The following KIF13A variants were observed in gnomAD, a reference collection of about 807,000 sequenced individuals.
KIF13A encodes the protein kinesin-like protein KIF13A.
In KIF13A, 79 loss-of-function variants were observed where a neutral mutation model predicts 212.2. That is an observed-to-expected ratio of 0.37 (90% confidence interval 0.31 to 0.45). The LOEUF (loss-of-function observed/expected upper bound fraction) is 0.45, where lower values mean the gene tolerates loss of function less well. KIF13A is among the 20% of genes least tolerant of loss of function. The probability of loss-of-function intolerance (pLI) is 1.00; values close to 1 mark genes in which losing one functional copy is unlikely to be tolerated. For missense variants in KIF13A, 1,901 were observed against 2,209.0 expected (o/e 0.86, Z 2.79); for synonymous variants, 789 against 808.6 (o/e 0.98, Z 0.41).
At chr6:17,923,746 C>G (rs1182163424) in intron 2 of KIF13A, among the ~76,000 whole-genome samples, 2 of 152,182 alleles carry the variant, frequency 1.3e-5, no homozygotes, top group Non-Finnish European at 2.9e-5. Context: ...AGCTTTTTAG[C>G]CCTTTCTCAA....
rs1176093271 is a variant in KIF13A at position 17,914,501 on chromosome 6, T to C, written c.147-16321A>G. 6.6e-6 allele frequency among the ~76,000 whole-genome samples: 1 copy of C among 152,210 alleles called. No individual in the cohort carries two copies. Among genetic ancestry groups the C allele is most frequent in the Non-Finnish European group, 1.5e-5 (1 of 68,028 alleles). ...TATATGGGCATTTGCAAAATTAAAA[T>C]CATACACATGCAAATGGGAAGTTTT... On this transcript the variant is annotated intron_variant, in intron 2 of 38. Coordinates refer to ENST00000259711, the MANE Select transcript of KIF13A (RefSeq NM_022113.6). This position sits in a 1 kb window ranked among gnomAD's most constrained non-coding sequence, Gnocchi z 5.9.
At position 17,817,120 on chromosome 6, in the gene KIF13A, G is replaced by A; in HGVS notation, c.1900C>T (p.Gln634Ter). 1 of 1,614,008 alleles carries A rather than the reference G, an allele frequency of 6.2e-7. No individual in the cohort carries two copies. The highest frequency in any genetic ancestry group is 8.5e-7 in the Non-Finnish European group (1 of 1,179,896). The part of the protein sequence containing the change: ...YERELEQLRQ[Q>*]LSPDRQPQSS... Reference sequence around the variant, plus strand: ...TGTGGCTGCCTGTCGGGGGAGAGCTGCTGGCGGAGTTGCTCCAGTTCCCGC... The same window carrying A: ...TGTGGCTGCCTGTCGGGGGAGAGCTACTGGCGGAGTTGCTCCAGTTCCCGC... Residue 634 changes from glutamine to a stop codon, truncating the protein, a stop_gained, in exon 17 of 39, where the codon CAG (glutamine) becomes TAG (stop). Coordinates refer to ENST00000259711, the MANE Select transcript of KIF13A (RefSeq NM_022113.6). LOFTEE classifies it high-confidence loss of function.
intron 32 of KIF13A, among the ~76,000 whole-genome samples, chr6:17,779,303 C>T (rs1396984118): frequency 1.6e-5 from 2 of 124,074 alleles, no homozygotes; most frequent in Non-Finnish European, 3.3e-5. Flanking sequence ...CAGAGTTTCG[C>T]TCTTGTTGCC....
Position 17,856,182 on chromosome 6 carries a change from G to T in KIF13A, c.221-60C>A. The T allele has an allele frequency of 8.5e-7, 1 of 1,178,656 alleles. No homozygotes were observed. The highest frequency in any genetic ancestry group is 1.2e-6 in the Non-Finnish European group (1 of 805,980). 73.0% of individuals were successfully genotyped at this position (1,178,656 alleles called of 1,614,324 possible). ...AAGAATAATTTTTCTTGACATATTTGTGTTAGTAACAATATTATGTCAATT... is the reference window on the plus strand; with the variant it reads ...AAGAATAATTTTTCTTGACATATTTTTGTTAGTAACAATATTATGTCAATT... On this transcript the variant is annotated intron_variant, in intron 4 of 38. Transcript: ENST00000259711. The surrounding 1 kb of genome is among the most constrained non-coding windows in gnomAD (Gnocchi z 4.5).
At chr6:17,925,674 C>G (rs1159928416) in intron 2 of KIF13A, among the ~76,000 whole-genome samples, 1 of 152,188 alleles carries the variant, frequency 6.6e-6, no homozygotes, top group Non-Finnish European at 1.5e-5. Context: ...GTATGTGCTT[C>G]AGTGTATGTG....
At chr6:17,798,051 T>C (rs555596896) in intron 22 of KIF13A, among the ~76,000 whole-genome samples, 2 of 152,334 alleles carry the variant, frequency 1.3e-5, no homozygotes, top group South Asian at 2.1e-4. Context: ...GGTGAAGACA[T>C]TGCTTGTGAC....
intron 2 of KIF13A, among the ~76,000 whole-genome samples, chr6:17,933,912 T>C (rs2876472): frequency 0.073 from 11,105 of 152,270 alleles, 471 homozygotes; most frequent in Middle Eastern, 0.13. Context: ...AGCCAGCTCC[T>C]GGAGCGCCTT....
rs932410072 is a variant in KIF13A at position 17,839,743 on chromosome 6, C to T, written c.831-2160G>A. Among the ~76,000 whole-genome samples the T allele has an allele frequency of 1.3e-5, 2 of 152,034 alleles. No individual in the cohort carries two copies. Among genetic ancestry groups the T allele is most frequent in the African/African-American group, 2.4e-5 (1 of 41,376 alleles). On this transcript the variant is annotated intron_variant, in intron 9 of 38. Coordinates refer to ENST00000259711, the MANE Select transcript of KIF13A (RefSeq NM_022113.6). The surrounding 1 kb of genome is among the most constrained non-coding windows in gnomAD (Gnocchi z 4.3). ...TAAAGACACCCAGGGGAGACGGCCA[C>T]GTGAAGATGCAGGCAGAGACTGGAG... is the stretch of plus-strand genomic sequence containing the variant.
chr6:17,903,372 A>G (rs1773216390), intron 2 of KIF13A, among the ~76,000 whole-genome samples: 1 of 152,216 alleles, frequency 6.6e-6, no homozygotes, highest in Non-Finnish European at 1.5e-5. Context: ...TGATTTTGAT[A>G]AACAAACAAA....
intron 2 of KIF13A, among the ~76,000 whole-genome samples, chr6:17,943,400 ATT>A (rs11311833): frequency 0.022 from 2,891 of 132,286 alleles, 72 homozygotes; most frequent in African/African-American, 0.073. Context: ...TAAAACACAG[ATT>A]TTTTTTTTTT....
chr6:17,943,467 C>T (rs998800979), intron 2 of KIF13A, among the ~76,000 whole-genome samples: 2 of 147,792 alleles, frequency 1.4e-5, no homozygotes, highest in African/African-American at 2.5e-5. Flanking sequence ...AGCCTGGTCT[C>T]GAACTCCTGA....
At chr6:17,830,527 C>T (rs17689451) in intron 13 of KIF13A, among the ~76,000 whole-genome samples, 38,317 of 152,024 alleles carry the variant, frequency 0.25, 5,272 homozygotes, top group South Asian at 0.38. Context: ...AGCTATCCAA[C>T]GTGGCATGTC....
chr6:17,809,024 C>A lies in KIF13A; in HGVS notation c.2001-94G>T. 8.7e-7 allele frequency: 1 copy of A among 1,147,948 alleles called. No homozygotes were observed. Among genetic ancestry groups the A allele is most frequent in the East Asian group, 2.7e-5 (1 of 37,444 alleles). The allele number at this position is 1,147,948 out of a possible 1,614,324, so 71.1% of individuals were successfully genotyped here. On this transcript the variant is annotated intron_variant, in intron 17 of 38. Transcript: ENST00000259711. The surrounding 1 kb of genome is among the most constrained non-coding windows in gnomAD (Gnocchi z 4.7). ...TCTTATTAGAAAATGGGAGAAAACT[C>A]CTCTCGGGCAGTATTTTTCAAACTA... is the stretch of plus-strand genomic sequence containing the variant.
At chr6:17,830,709 G>C (rs77806022) in intron 13 of KIF13A, among the ~76,000 whole-genome samples, 4,050 of 152,222 alleles carry the variant, frequency 0.027, 77 homozygotes, top group Non-Finnish European at 0.04. Flanking sequence ...TGTTGATCTT[G>C]AGATCTCCTT....
chr6:17,902,427 G>A (rs1328272418), intron 2 of KIF13A, among the ~76,000 whole-genome samples: 4 of 152,140 alleles, frequency 2.6e-5, no homozygotes, highest in African/African-American at 7.2e-5. Flanking sequence ...AGAAAATAAG[G>A]AGAGACAGTT....
chr6:17,763,475 C>CA (rs67357010), downstream of KIF13A, among the ~76,000 whole-genome samples: 11,019 of 75,566 alleles, frequency 0.15, 1,346 homozygotes, highest in African/African-American at 0.32. Flanking sequence ...CACTCCATCT[C>CA]AAAAAAAAAA....
intron 2 of KIF13A, among the ~76,000 whole-genome samples, chr6:17,965,392 A>G (rs1290303942): frequency 6.6e-6 from 1 of 152,212 alleles, no homozygotes; most frequent in Non-Finnish European, 1.5e-5. Context: ...GTAGAGATGA[A>G]TAAGGCTTTT....
At chr6:17,952,182 T>C (rs1455694235) in intron 2 of KIF13A, among the ~76,000 whole-genome samples, 2 of 151,278 alleles carry the variant, frequency 1.3e-5, no homozygotes, top group Non-Finnish European at 2.9e-5. Context: ...CAGGCTTCTG[T>C]AGTCCCAGCT....
chr6:17,817,184 T>A lies in KIF13A; in HGVS notation c.1836A>T (p.Glu612Asp). The part of the protein sequence containing the change: ...VQVLEKQYLE[E>D]KRSALEEQRL... The stretch of plus-strand genomic sequence containing the variant: ...GCTGCTCCTCTAGGGCACTTCTCTT[T>A]TCTTCTAGGTATTGTTTCTCCAGGA... The change falls in exon 17 of 39, where the codon GAA becomes GAT. Residue 612 changes from glutamate (E) to aspartate (D), a missense_variant. By Grantham distance (45) the Glu-to-Asp change is conservative. This residue lies in a region of KIF13A where 534 missense variants were observed against 536.9 expected (regional missense o/e 0.99). Transcript: ENST00000259711. The A allele has an allele frequency of 6.2e-7, 1 of 1,614,046 alleles. No homozygotes were observed. The highest frequency in any genetic ancestry group is 8.5e-7 in the Non-Finnish European group (1 of 1,179,900).
Sources: gnomAD v4.1 joint callset for allele counts (sites outside exome capture counted in the v4.1 genomes callset) on GRCh38, gnomAD v4.1.1 for gene constraint, gnomAD v4.1.1 regional missense constraint, Gnocchi (gnomAD v3.1) non-coding constraint, MANE v1.5 for transcripts, NCBI Gene and HGNC (gene_info 2026-07-23, HGNC 2026-07-21) for gene names.